Variants in SH3GL3 observed in about 807,000 individuals in gnomAD.
SH3GL3 encodes the protein endophilin-A3.
Under a neutral mutation model 47.7 loss-of-function variants are expected in SH3GL3, and 33 were observed. The observed-to-expected ratio is 0.69, with a 90% confidence interval of 0.52 to 0.92. The LOEUF is 0.92. Ranked by LOEUF, SH3GL3 falls within the 40% of genes least tolerant of loss-of-function variation. SH3GL3 has a pLI of 0.00. For missense variants in SH3GL3, 363 were observed against 417.8 expected (o/e 0.87, Z 1.14); for synonymous variants, 155 against 148.8 (o/e 1.04, Z -0.30).
intron 1 of SH3GL3, among the ~76,000 whole-genome samples, chr15:83,527,739 G>T (rs2043489114): frequency 6.6e-6 from 1 of 152,098 alleles, no homozygotes; most frequent in African/African-American, 2.4e-5. Context: ...AGGACTTATT[G>T]TCATAATTTT....
intron 2 of SH3GL3, among the ~76,000 whole-genome samples, chr15:83,560,475 A>C (rs934642512): frequency 6.6e-6 from 1 of 152,240 alleles, no homozygotes; most frequent in Admixed American, 6.5e-5. Context: ...TACTTAAAAA[A>C]AACTCTTAAT....
At chr15:83,575,857 T>A (rs1158251532) in intron 5 of SH3GL3, among the ~76,000 whole-genome samples, 2 of 152,122 alleles carry the variant, frequency 1.3e-5, no homozygotes, top group Non-Finnish European at 2.9e-5. Flanking sequence ...CCCTCCCTTG[T>A]CCTGTATAGC....
In SH3GL3 at chr15:83,578,073, A is replaced by G. The variant is rs117552343; in HGVS notation, c.624+1332A>G. ...AAGGTCTCGGATCTTATCCCTCAGA[A>G]GTGCCAATCTTCTATTGTACTGTGG... is the stretch of plus-strand genomic sequence containing the variant. On this transcript the variant is annotated intron_variant, in intron 6 of 8. Transcript: ENST00000427482. Among the ~76,000 whole-genome samples, 1,153 of 151,854 alleles carry G rather than the reference A, an allele frequency of 7.6e-3. 12 individuals carry two copies. The highest frequency in any genetic ancestry group is 0.013 in the Non-Finnish European group (883 of 67,896).
chr15:83,567,050 T>C (rs552109852), intron 3 of SH3GL3, among the ~76,000 whole-genome samples: 57 of 152,302 alleles, frequency 3.7e-4, no homozygotes, highest in African/African-American at 1.3e-3. Context: ...TAAAAGTATC[T>C]CAAATACCAC....
intron 1 of SH3GL3, among the ~76,000 whole-genome samples, chr15:83,552,573 T>G (rs899363976): frequency 2.6e-5 from 4 of 152,196 alleles, no homozygotes; most frequent in African/African-American, 9.7e-5. Context: ...TAATTGTGGT[T>G]TTTGCCACTA....
chr15:83,495,240 TC>T (rs1434244683), intron 1 of SH3GL3, among the ~76,000 whole-genome samples: 1 of 152,148 alleles, frequency 6.6e-6, no homozygotes, highest in Non-Finnish European at 1.5e-5. Flanking sequence ...CCTGCTGCTC[TC>T]CCAACCTGAA....
intron 8 of SH3GL3, among the ~76,000 whole-genome samples, chr15:83,597,411 G>A (rs909160355): frequency 2.0e-5 from 3 of 152,142 alleles, no homozygotes. Context: ...CCCTTTCGCT[G>A]TGTAAGGTAA....
At chr15:83,534,530 A>G (rs996974893) in intron 1 of SH3GL3, among the ~76,000 whole-genome samples, 6 of 152,342 alleles carry the variant, frequency 3.9e-5, no homozygotes, top group Admixed American at 2.6e-4. Flanking sequence ...GGCTCCCTAC[A>G]GACCAAGCAA....
chr15:83,567,070 T>A (rs1441868237), intron 3 of SH3GL3, among the ~76,000 whole-genome samples: 1 of 152,224 alleles, frequency 6.6e-6, no homozygotes, highest in Non-Finnish European at 1.5e-5. Context: ...CAAACTAGTA[T>A]GTGATTCACT....
At chr15:83,633,349 T>TTTCCTCCTTTTCCCC in the SH3GL3 span, among the ~76,000 whole-genome samples, 1 of 152,218 alleles carries the variant, frequency 6.6e-6, no homozygotes, top group Non-Finnish European at 1.5e-5. Context: ...TTCTTTTCTC[T>TTTCCTCCTTTTCCCC]TTCCTCCTTT....
chr15:83,538,636 T>C (rs2044024509), intron 1 of SH3GL3, among the ~76,000 whole-genome samples: 1 of 152,242 alleles, frequency 6.6e-6, no homozygotes, highest in African/African-American at 2.4e-5. Context: ...GACATAAATA[T>C]ATTGAGCTTC....
intron 2 of SH3GL3, among the ~76,000 whole-genome samples, chr15:83,561,609 C>T (rs374980505): frequency 1.3e-5 from 2 of 151,874 alleles, no homozygotes; most frequent in South Asian, 2.1e-4. Flanking sequence ...CACAAAAGAT[C>T]GAAACAATGA....
intron 1 of SH3GL3, among the ~76,000 whole-genome samples, chr15:83,527,026 G>T (rs1190447585): frequency 1.3e-5 from 2 of 152,088 alleles, no homozygotes; most frequent in Admixed American, 1.3e-4. Flanking sequence ...TATTATAGGC[G>T]TAAAGAAATG....
chr15:83,464,085 T>A (rs1306811755), intron 1 of SH3GL3, among the ~76,000 whole-genome samples: 1 of 152,112 alleles, frequency 6.6e-6, no homozygotes, highest in Non-Finnish European at 1.5e-5. Flanking sequence ...TCTATTGTCT[T>A]CTCAACCTAT....
intron 8 of SH3GL3, among the ~76,000 whole-genome samples, chr15:83,589,445 TG>T (rs2151809302): frequency 6.6e-6 from 1 of 152,304 alleles, no homozygotes; most frequent in Non-Finnish European, 1.5e-5. Context: ...GGCATGAACA[TG>T]GCTCGGTGCA....
intron 1 of SH3GL3, among the ~76,000 whole-genome samples, chr15:83,499,739 T>G (rs1396810367): frequency 6.6e-6 from 1 of 151,848 alleles, no homozygotes; most frequent in Non-Finnish European, 1.5e-5. Context: ...CCTGAGTAAA[T>G]GATTATTAGT....
intron 1 of SH3GL3, among the ~76,000 whole-genome samples, chr15:83,474,646 G>A (rs1421277285): frequency 1.3e-5 from 2 of 152,114 alleles, no homozygotes; most frequent in African/African-American, 4.8e-5. Context: ...TATTTGCTCA[G>A]GAGCTGCATA....
chr15:83,610,189 T>C (rs1046199890), intron 8 of SH3GL3, among the ~76,000 whole-genome samples: 3 of 152,170 alleles, frequency 2.0e-5, no homozygotes, highest in African/African-American at 4.8e-5. Flanking sequence ...ACCCAAAGGC[T>C]CATTCCAAGC....
intron 1 of SH3GL3, among the ~76,000 whole-genome samples, chr15:83,475,674 C>T (rs972050746): frequency 6.6e-6 from 1 of 152,134 alleles, no homozygotes; most frequent in Admixed American, 6.5e-5. Context: ...GCCTGTCTAC[C>T]AGATACTGCT....
Sources: gnomAD v4.1 joint callset for allele counts (sites outside exome capture counted in the v4.1 genomes callset) on GRCh38, gnomAD v4.1.1 for gene constraint, MANE v1.5 for transcripts, NCBI Gene and HGNC (gene_info 2026-07-23, HGNC 2026-07-21) for gene names.